The following AHSG variants were observed in gnomAD, a reference collection of about 807,000 sequenced individuals.
The protein encoded by AHSG is alpha 2-HS glycoprotein.
In AHSG, 23 loss-of-function variants were observed where a neutral mutation model predicts 30.1. The ratio of observed to expected loss-of-function variants is 0.76; its 90% CI spans 0.55 to 1.08. The LOEUF (loss-of-function observed/expected upper bound fraction) is 1.08, where lower values mean the gene tolerates loss of function less well. Among genes scored for constraint, AHSG ranks in the 50% least tolerant of loss-of-function variants. The pLI is 0.00. For synonymous variants in AHSG, 164 were observed against 186.3 expected (o/e 0.88, Z 0.98); for missense variants, 469 against 459.5 (o/e 1.02, Z -0.19).
At chr3:186,616,834 C>T (rs768041212) in intron 3 of AHSG, among the ~76,000 whole-genome samples, 22 of 151,980 alleles carry the variant, frequency 1.4e-4, no homozygotes, top group Non-Finnish European at 2.8e-4. Context: ...TGGTGGTGCT[C>T]GCCTGTAATC....
rs761843421 is a variant in AHSG, at chr3:186,617,197, G to A, written c.420G>A (p.Glu140=). 1.2e-6 allele frequency: 2 copies of A among 1,611,764 alleles called. No individual in the cohort carries two copies. Among genetic ancestry groups the A allele is most frequent in the African/African-American group, 2.7e-5 (2 of 75,012 alleles). The change falls in exon 4 of 7, where the codon GAG becomes GAA. Residue 140 remains glutamate (E), a synonymous_variant. Coordinates refer to ENST00000411641, the MANE Select transcript of AHSG (RefSeq NM_001622.4). ...AKCDSSPDSA[E]DVRKVCQDCP... Reference sequence around the variant, plus strand: ...CCTCTCTCCGAGCAGACTCAGCCGAGGACGTGCGCAAGGTGTGCCAAGACT... The same window carrying A: ...CCTCTCTCCGAGCAGACTCAGCCGAAGACGTGCGCAAGGTGTGCCAAGACT...
Position 186,620,927 on chromosome 3 carries a change from C to G in AHSG, c.1101C>G (p.Val367=). The G allele has an allele frequency of 3.1e-6, 5 of 1,606,714 alleles. No individual in the cohort carries two copies. Among genetic ancestry groups the G allele is most frequent in the Non-Finnish European group, 4.3e-6 (5 of 1,173,982 alleles). Residue 367 remains valine (V), a synonymous_variant, in exon 7 of 7, where the codon GTC becomes GTG. Transcript: ENST00000411641. The stretch of plus-strand genomic sequence containing the variant: ...CGGGGAGGATCAGACACTTCAAGGT[C>G]TAGGCTAGACATGGCAGAGATGAGG... ...PCPGRIRHFK[V]
chr3:186,618,527 T>C lies in AHSG; in HGVS notation c.574-9T>C. ...TTTCCTCAAGAGCATTTTCATGTAC[T>C]CTTCTCAGCCCCTCCCACCTTCTAC... On this transcript the variant is annotated splice_polypyrimidine_tract_variant and intron_variant, in intron 4 of 6. Transcript: ENST00000411641. The C allele has an allele frequency of 6.2e-7, 1 of 1,612,440 alleles. No individual in the cohort carries two copies.
At position 186,621,039 on chromosome 3, in the gene AHSG, A is replaced by T; in HGVS notation, c.*109A>T. The T allele has an allele frequency of 2.9e-6, 3 of 1,022,404 alleles. No homozygotes were observed. Among genetic ancestry groups the T allele is most frequent in the East Asian group, 2.6e-5 (1 of 38,224 alleles). The allele number at this position is 1,022,404 out of a possible 1,614,324, so 63.3% of individuals were successfully genotyped here. A position where few individuals can be genotyped will look rare whatever the true frequency, so the allele number is the denominator to read the frequency against. The stretch of plus-strand genomic sequence containing the variant: ...TGTCTGCTGGCCACGCAAGTGTCAC[A>T]TGCGATCTACATTAATATCAAGTCT... On this transcript the variant is annotated 3_prime_UTR_variant, in exon 7 of 7. Coordinates refer to ENST00000411641, the MANE Select transcript of AHSG (RefSeq NM_001622.4).
chr3:186,620,461 C>G, intron 6 of AHSG, 125 bp from the exon 7 acceptor site: 1 of 863,548 alleles, frequency 1.2e-6, no homozygotes, highest in East Asian at 2.5e-5. Context: ...TCCTTTCTTG[C>G]TAGACTCTTT....
At chr3:186,620,097 G>T (rs1346311656) in intron 6 of AHSG, among the ~76,000 whole-genome samples, 157 bp downstream of exon 6, 2 of 152,194 alleles carry the variant, frequency 1.3e-5, no homozygotes, top group African/African-American at 2.4e-5. Flanking sequence ...ATCAACAAAT[G>T]GAAGGATATT....
Position 186,615,749 on chromosome 3 carries a change from A to AC in AHSG, c.282dup (p.Thr95HisfsTer21). The AC allele has an allele frequency of 6.2e-7, 1 of 1,614,168 alleles. No homozygotes were observed. The highest frequency in any genetic ancestry group is 8.5e-7 in the Non-Finnish European group (1 of 1,180,036). On this transcript the variant is annotated frameshift_variant, in exon 2 of 7. Coordinates refer to ENST00000411641, the MANE Select transcript of AHSG (RefSeq NM_001622.4). LOFTEE classifies it high-confidence loss of function. The stretch of plus-strand genomic sequence containing the variant: ...CTGGAAACCACCTGCCATGTGCTGG[A>AC]CCCCACCCCTGTGGCAAGATGCAGC...
chr3:186,615,896 TC>T, intron 2 of AHSG, 101 bp downstream of exon 2: 1 of 1,094,218 alleles, frequency 9.1e-7, no homozygotes, highest in Non-Finnish European at 1.4e-6. Flanking sequence ...GGGTGCAGTT[TC>T]TAAAATTGCC....
Position 186,620,751 on chromosome 3 carries a change from T to C in AHSG, c.925T>C (p.Leu309=), listed in dbSNP as rs35799453. 0.019 allele frequency: 29,948 copies of C among 1,614,132 alleles called. 334 individuals are homozygous for C. The highest frequency in any genetic ancestry group is 0.022 in the Non-Finnish European group (25,905 of 1,180,020). Residue 309 remains leucine (L), a synonymous_variant, in exon 7 of 7, where the codon TTG becomes CTG. Transcript: ENST00000411641. ...VLLAAPPGHQ[L]HRAHYDLRHT... ...ACTGGCAGCTCCTCCAGGACACCAG[T>C]TGCACCGGGCGCACTACGACCTGCG...
rs1246111953 is a variant in AHSG at position 186,613,258 on chromosome 3, A to G, written c.117A>G (p.Glu39=). The change falls in exon 1 of 7, where the codon GAA becomes GAG. Residue 39 remains glutamate (E), a synonymous_variant. Coordinates refer to ENST00000411641, the MANE Select transcript of AHSG (RefSeq NM_001622.4). ...QPNCDDPETE[E]AALVAIDYIN... is the part of the protein sequence containing the mutation. ...ACTGCGATGATCCAGAAACTGAGGAAGCAGCTCTGGTGGCTATAGACTACA... is the reference window on the plus strand; with the variant it reads ...ACTGCGATGATCCAGAAACTGAGGAGGCAGCTCTGGTGGCTATAGACTACA... 1.9e-6 allele frequency: 3 copies of G among 1,614,082 alleles called. No individual in the cohort carries two copies. Among genetic ancestry groups the G allele is most frequent in the African/African-American group, 1.3e-5 (1 of 74,934 alleles).
intron 4 of AHSG, 146 bp downstream of exon 4, chr3:186,617,496 A>G: frequency 6.9e-7 from 1 of 1,451,252 alleles, no homozygotes; most frequent in Non-Finnish European, 9.5e-7. Flanking sequence ...AAGGGAAGAA[A>G]GCATCCTAAG....
Position 186,620,645 on chromosome 3 carries a change from G to A in AHSG, c.819G>A (p.Val273=), listed in dbSNP as rs1460703567. ...ATGAAGCAGTCCCCACACCCGTGGT[G>A]GACCCAGATGCACCTCCGTCCCCTC... The part of the protein sequence containing the change: ...GANEAVPTPV[V]DPDAPPSPPL... The change falls in exon 7 of 7, where the codon GTG becomes GTA. Residue 273 remains valine, a synonymous_variant. Coordinates refer to ENST00000411641, the MANE Select transcript of AHSG (RefSeq NM_001622.4). 1.4e-5 allele frequency: 22 copies of A among 1,613,702 alleles called. No homozygotes were observed. Among genetic ancestry groups the A allele is most frequent in the South Asian group, 5.5e-5 (5 of 91,080 alleles).
rs184748331 is a variant in AHSG at position 186,614,779 on chromosome 3, G to A, written c.214-906G>A. ...GGCACACCTGGACATCATAAAATGCGGAGCTTCTCCCAGGGGAGGGGATGC... is the reference window on the plus strand; with the variant it reads ...GGCACACCTGGACATCATAAAATGCAGAGCTTCTCCCAGGGGAGGGGATGC... On this transcript the variant is annotated intron_variant, in intron 1 of 6. Transcript: ENST00000411641. Among the ~76,000 whole-genome samples, 8 of 152,296 alleles carry A rather than the reference G, an allele frequency of 5.3e-5. No homozygotes were observed. The East Asian group carries it at 9.6e-4, about 18-fold the overall frequency.
Position 186,620,825 on chromosome 3 carries a change from G to A in AHSG, c.999G>A (p.Val333=), listed in dbSNP as rs1296521618. ...VVSLGSPSGE[V]SHPRKTRTVV... ...CATTGGGGTCACCCTCAGGAGAAGT[G>A]TCGCACCCCCGGAAAACACGCACAG... is the stretch of plus-strand genomic sequence containing the variant. Residue 333 remains valine, a synonymous_variant, in exon 7 of 7, where the codon GTG becomes GTA. Transcript: ENST00000411641. 2 of 1,614,192 alleles carry A rather than the reference G, an allele frequency of 1.2e-6. No homozygotes were observed. Among genetic ancestry groups the A allele is most frequent in the South Asian group, 2.2e-5 (2 of 91,080 alleles).
In AHSG at chr3:186,619,919, C is replaced by A; in HGVS notation, c.738C>A (p.Thr246=). ...TTGGTGGGGCAGAGGTTGCAGTGAC[C>A]TGCATGGTGTTCCAAACACAGGTAA... is the stretch of plus-strand genomic sequence containing the variant. ...EKLGGAEVAV[T]CMVFQTQPVS... is the part of the protein sequence containing the mutation. Residue 246 remains threonine (T), a synonymous_variant, in exon 6 of 7, where the codon ACC becomes ACA. Transcript: ENST00000411641. 6.2e-7 allele frequency: 1 copy of A among 1,612,938 alleles called. No homozygotes were observed. The highest frequency in any genetic ancestry group is 8.5e-7 in the Non-Finnish European group (1 of 1,179,678).
chr3:186,621,003 G>A lies in AHSG; in HGVS notation c.*73G>A, dbSNP rs140764191. The stretch of plus-strand genomic sequence containing the variant: ...CCATTTTGTCCAAGCCTGGGCATGG[G>A]TGGGGGGCCTTGTCTGCTGGCCACG... On this transcript the variant is annotated 3_prime_UTR_variant, in exon 7 of 7. Coordinates refer to ENST00000411641, the MANE Select transcript of AHSG (RefSeq NM_001622.4). 1 of 1,462,608 alleles carries A rather than the reference G, an allele frequency of 6.8e-7. No homozygotes were observed. The highest frequency in any genetic ancestry group is 2.4e-5 in the East Asian group (1 of 42,094). The allele number at this position is 1,462,608 out of a possible 1,614,324, so 90.6% of individuals were successfully genotyped here.
At position 186,615,750 on chromosome 3, in the gene AHSG, C is replaced by A; in HGVS notation, c.279C>A (p.Asp93Glu). ...DTLETTCHVLDPTPVARCSVR... is the reference protein window; with the variant it reads ...DTLETTCHVLEPTPVARCSVR... ...TGGAAACCACCTGCCATGTGCTGGA[C>A]CCCACCCCTGTGGCAAGATGCAGCG... The change falls in exon 2 of 7, where the codon GAC becomes GAA. Residue 93 changes from aspartate to glutamate, a missense_variant. Transcript: ENST00000411641. 6.2e-7 allele frequency: 1 copy of A among 1,614,242 alleles called. No individual in the cohort carries two copies. Among genetic ancestry groups the A allele is most frequent in the Non-Finnish European group, 8.5e-7 (1 of 1,180,042 alleles).
intron 5 of AHSG, 36 bp downstream of exon 5, chr3:186,618,673 G>A (rs1438583338): frequency 6.2e-6 from 10 of 1,609,174 alleles, no homozygotes; most frequent in Admixed American, 1.7e-5. Flanking sequence ...TTACCACTCG[G>A]ACAGAGCTGT....
chr3:186,618,697 C>A, intron 5 of AHSG, 60 bp downstream of exon 5: 1 of 1,590,762 alleles, frequency 6.3e-7, no homozygotes. Context: ...TGGAACAGAA[C>A]ATCCTTGGAT....
Sources: allele counts gnomAD v4.1 joint callset (sites outside exome capture counted in the v4.1 genomes callset), GRCh38; gene constraint gnomAD v4.1.1; transcripts MANE v1.5; gene names NCBI Gene and HGNC (gene_info 2026-07-23, HGNC 2026-07-21).